ARID1B: variants seen among roughly 807,000 people sequenced by gnomAD.
The protein encoded by ARID1B is AT-rich interaction domain 1B.
A neutral mutation model predicts 212.3 loss-of-function variants in ARID1B; 30 were observed. That is an observed-to-expected ratio of 0.14 (90% CI 0.11 to 0.19). The LOEUF (loss-of-function observed/expected upper bound fraction) is 0.19. Among genes scored for constraint, ARID1B ranks in the 10% least tolerant of loss-of-function variants. ARID1B has a pLI of 1.00. For synonymous variants in ARID1B, 1,402 were observed against 1,301.7 expected, an observed-to-expected ratio of 1.08 and a Z score of -1.66; for missense variants, 2,891 against 3,204.0, an observed-to-expected ratio of 0.90 and a Z score of 2.36.
intron 4 of ARID1B, among the ~76,000 whole-genome samples, chr6:157,063,048 T>C (rs898945584): frequency 6.6e-6 from 1 of 152,126 alleles, no homozygotes. Context: ...AGAATGAGAA[T>C]GGATGGGTCC....
intron 8 of ARID1B, among the ~76,000 whole-genome samples, chr6:157,158,125 A>T (rs1415741913): frequency 6.6e-6 from 1 of 152,224 alleles, no homozygotes; most frequent in Admixed American, 6.5e-5. Context: ...TTTGATTGTT[A>T]AAATTCCTGC....
intron 1 of ARID1B, among the ~76,000 whole-genome samples, chr6:156,798,175 C>T (rs1337223797): frequency 1.3e-5 from 2 of 152,172 alleles, no homozygotes; most frequent in Non-Finnish European, 2.9e-5. Context: ...GGAGCGCCTG[C>T]GCCTGCCGCT....
intron 2 of ARID1B, among the ~76,000 whole-genome samples, chr6:156,853,853 C>T (rs1023009515): frequency 2.6e-5 from 4 of 152,206 alleles, no homozygotes; most frequent in African/African-American, 9.7e-5. Flanking sequence ...CCTCCCACCT[C>T]AGCCTCCTGA....
chr6:157,059,756 G>C (rs554514887), intron 4 of ARID1B, among the ~76,000 whole-genome samples: 2 of 152,194 alleles, frequency 1.3e-5, no homozygotes, highest in Admixed American at 6.5e-5. Flanking sequence ...GAAACATTTT[G>C]TGAGGGAGAG....
At position 156,777,997 on chromosome 6, in the gene ARID1B, C is replaced by T. The variant is rs1268735872; in HGVS notation, c.317C>T (p.Ala106Val). Residue 106 changes from alanine (A) to valine (V), a missense_variant, in exon 1 of 20, where the codon GCG becomes GTG. By Grantham distance (64) the Ala-to-Val change is moderately conservative. Around this residue, in one of 7 missense-constraint regions of ARID1B, gnomAD observed 1,643 missense variants for 1,544.0 expected, o/e 1.06. Transcript: ENST00000636930. Reference sequence around the variant, plus strand: ...AGCGCCAAGAGCGGCGGCTCCGAGGCGGCTCTCAAGGAGGGTGGAAGCGCC... The same window carrying T: ...AGCGCCAAGAGCGGCGGCTCCGAGGTGGCTCTCAAGGAGGGTGGAAGCGCC... ...THSAKSGGSE[A>V]ALKEGGSAAA... The T allele has an allele frequency of 6.5e-7, 1 of 1,531,360 alleles. No individual in the cohort carries two copies. The highest frequency in any genetic ancestry group is 2.0e-5 in the Admixed American group (1 of 50,632). The allele number at this position is 1,531,360 out of a possible 1,614,324, so 94.9% of individuals were successfully genotyped here.
At chr6:157,013,702 A>T (rs777794286) in intron 4 of ARID1B, among the ~76,000 whole-genome samples, 1 of 152,338 alleles carries the variant, frequency 6.6e-6, no homozygotes, top group Admixed American at 6.5e-5. Flanking sequence ...CTGCAACGCA[A>T]TCTCATGGAC....
chr6:156,861,460 A>T (rs1785326923), intron 2 of ARID1B, among the ~76,000 whole-genome samples: 1 of 152,008 alleles, frequency 6.6e-6, no homozygotes, highest in Middle Eastern at 3.4e-3. Flanking sequence ...AATACAAAAA[A>T]ATTAGCCAGG....
rs368137775 is a variant in ARID1B at position 156,967,315 on chromosome 6, G to A, written c.2247+31739G>A. 6.4e-4 allele frequency among the ~76,000 whole-genome samples: 98 copies of A among 152,230 alleles called. 3 individuals carry two copies. The South Asian group carries it at 0.019, about 29-fold the overall frequency. Reference sequence around the variant, plus strand: ...CATATCCACACATACAAATTCACATGCAGTCTTTTCAGATAAAAATATTTA... The same window carrying A: ...CATATCCACACATACAAATTCACATACAGTCTTTTCAGATAAAAATATTTA... On this transcript the variant is annotated intron_variant, in intron 4 of 19. Coordinates refer to ENST00000636930, the MANE Select transcript of ARID1B (RefSeq NM_001374828.1).
chr6:157,022,422 C>A (rs955314263), intron 4 of ARID1B: 1 of 152,218 alleles, frequency 6.6e-6, no homozygotes, highest in African/African-American at 2.4e-5. Flanking sequence ...CTTTCCTGTT[C>A]TTAATTAAAT....
At chr6:157,172,755 G>A (rs1052324148) in intron 9 of ARID1B, 4 of 151,736 alleles carry the variant, frequency 2.6e-5, no homozygotes, top group Non-Finnish European at 4.4e-5. Context: ...ACATGAATAT[G>A]TGCAATAATC....
At chr6:157,081,239 C>G (rs1232289975) in intron 4 of ARID1B, among the ~76,000 whole-genome samples, 4 of 152,188 alleles carry the variant, frequency 2.6e-5, no homozygotes, top group Non-Finnish European at 5.9e-5. Context: ...AGTAAGGTCT[C>G]TCTGTTCTTT....
chr6:156,778,006 A>C lies in ARID1B; in HGVS notation c.326A>C (p.Lys109Thr), dbSNP rs982218682. Residue 109 changes from lysine to threonine, a missense_variant, in exon 1 of 20, where the codon AAG becomes ACG. Coordinates refer to ENST00000636930, the MANE Select transcript of ARID1B (RefSeq NM_001374828.1). ...AGCGGCGGCTCCGAGGCGGCTCTCAAGGAGGGTGGAAGCGCCGCCGCGCTG... is the reference window on the plus strand; with the variant it reads ...AGCGGCGGCTCCGAGGCGGCTCTCACGGAGGGTGGAAGCGCCGCCGCGCTG... ...AKSGGSEAAL[K>T]EGGSAAALSS... The C allele has an allele frequency of 3.2e-5, 49 of 1,532,070 alleles. No homozygotes were observed. The highest frequency in any genetic ancestry group is 3.9e-5 in the Non-Finnish European group (45 of 1,145,004). The allele number at this position is 1,532,070 out of a possible 1,614,324, so 94.9% of individuals were successfully genotyped here. A position where few individuals can be genotyped will look rare whatever the true frequency, so the allele number is the denominator to read the frequency against.
At chr6:156,820,052 G>T (rs936022985) in intron 1 of ARID1B, among the ~76,000 whole-genome samples, 5 of 152,144 alleles carry the variant, frequency 3.3e-5, no homozygotes, top group Admixed American at 2.0e-4. Context: ...GGTGGATGGG[G>T]TGTCTTTCTC....
chr6:157,181,748 ACT>A (rs921895241), intron 12 of ARID1B, among the ~76,000 whole-genome samples: 1 of 151,440 alleles, frequency 6.6e-6, no homozygotes, highest in Non-Finnish European at 1.5e-5. Context: ...TGCTTGCTTG[ACT>A]CTCAGAGTGA....
chr6:157,039,112 C>T (rs1283398574), intron 4 of ARID1B, among the ~76,000 whole-genome samples: 1 of 151,992 alleles, frequency 6.6e-6, no homozygotes, highest in East Asian at 1.9e-4. Context: ...CTCAAGTGAT[C>T]CCTGGTCTTG....
chr6:157,070,903 C>G (rs1156296221), intron 4 of ARID1B, among the ~76,000 whole-genome samples: 1 of 152,142 alleles, frequency 6.6e-6, no homozygotes, highest in East Asian at 1.9e-4. Context: ...TTTGTTAGCT[C>G]TTGTGAGAAA....
intron 4 of ARID1B, among the ~76,000 whole-genome samples, chr6:157,025,419 G>C (rs150661423): frequency 1.3e-3 from 196 of 152,328 alleles, no homozygotes; most frequent in Middle Eastern, 3.4e-3. Context: ...TAGGACGGTA[G>C]AACATTCTTG....
intron 2 of ARID1B, among the ~76,000 whole-genome samples, chr6:156,865,337 C>T (rs1431050080): frequency 6.6e-6 from 1 of 152,162 alleles, no homozygotes; most frequent in Non-Finnish European, 1.5e-5. Flanking sequence ...TCATGCATGA[C>T]TTATAGATTG....
At chr6:156,779,670 G>A in intron 1 of ARID1B, 199 bp downstream of exon 1, 1 of 333,302 alleles carries the variant, frequency 3.0e-6, no homozygotes, top group Non-Finnish European at 4.5e-6. Flanking sequence ...TCCAGGCCTG[G>A]GAGGGCTTCG....
Sources: gnomAD v4.1 joint callset for allele counts (sites outside exome capture counted in the v4.1 genomes callset) on GRCh38, gnomAD v4.1.1 for gene constraint, gnomAD v4.1.1 regional missense constraint, MANE v1.5 for transcripts, NCBI Gene and HGNC (gene_info 2026-07-23, HGNC 2026-07-21) for gene names.